The following KAZN variants were observed in gnomAD, a reference collection of about 807,000 sequenced individuals.
KAZN encodes the protein kazrin.
In KAZN, 40 loss-of-function variants were observed where a neutral mutation model predicts 87.4. The ratio of observed to expected loss-of-function variants is 0.46; its 90% CI spans 0.36 to 0.60. The LOEUF is 0.60. Among genes scored for constraint, KAZN ranks in the 20% least tolerant of loss-of-function variants. KAZN has a pLI of 0.00. For synonymous variants in KAZN, 466 were observed against 458.3 expected, an observed-to-expected ratio of 1.02 and a Z score of -0.22; for missense variants, 898 against 1,073.9, an observed-to-expected ratio of 0.84 and a Z score of 2.29.
chr1:15,051,449 G>T (rs146496649), intron 4 of KAZN, among the ~76,000 whole-genome samples: 143 of 152,342 alleles, frequency 9.4e-4, no homozygotes, highest in African/African-American at 3.4e-3. Flanking sequence ...CACTATGGCT[G>T]CTCTGAGACA....
intron 1 of KAZN, among the ~76,000 whole-genome samples, chr1:14,044,054 A>G (rs1319676885): frequency 2.0e-5 from 3 of 152,118 alleles, no homozygotes; most frequent in Admixed American, 6.6e-5. Flanking sequence ...TTACTGGGAT[A>G]AACACTCAAA....
chr1:14,641,221 A>C (rs1680384210), intron 1 of KAZN, among the ~76,000 whole-genome samples: 1 of 152,194 alleles, frequency 6.6e-6, no homozygotes, highest in Non-Finnish European at 1.5e-5. Flanking sequence ...CAGGATCAGG[A>C]GGAATATTTT....
rs528021031 is a variant in KAZN at position 14,491,271 on chromosome 1, C to T, written c.250-107712C>T. Among the ~76,000 whole-genome samples the T allele has an allele frequency of 2.0e-5, 3 of 152,224 alleles. No individual in the cohort carries two copies. The South Asian group carries it at 6.2e-4, about 32-fold the overall frequency. The stretch of plus-strand genomic sequence containing the variant: ...AGTTAATCCACCTACTTTATTAAAC[C>T]TCATGAACTCTAAGAGATTTACAAG... On this transcript the variant is annotated intron_variant, in intron 2 of 16. Transcript: ENST00000636203.
At chr1:14,568,450 TC>T (rs1192530993) in intron 2 of KAZN, among the ~76,000 whole-genome samples, 3 of 152,166 alleles carry the variant, frequency 2.0e-5, no homozygotes, top group African/African-American at 7.2e-5. Context: ...CGGAGAGGCT[TC>T]ACAATCATGG....
intron 1 of KAZN, among the ~76,000 whole-genome samples, chr1:14,714,228 C>T (rs1316126702): frequency 6.6e-6 from 1 of 152,162 alleles, no homozygotes; most frequent in African/African-American, 2.4e-5. Context: ...GGCTGACACT[C>T]CCCTCTGCCT....
chr1:14,453,221 C>T (rs1349757801), intron 2 of KAZN, among the ~76,000 whole-genome samples: 3 of 152,114 alleles, frequency 2.0e-5, no homozygotes, highest in Non-Finnish European at 4.4e-5. Context: ...TCCCAAAGTG[C>T]TGGGATTACA....
intron 1 of KAZN, among the ~76,000 whole-genome samples, chr1:14,713,394 A>G (rs1174991585): frequency 6.6e-6 from 1 of 152,190 alleles, no homozygotes; most frequent in Non-Finnish European, 1.5e-5. Flanking sequence ...TTAACAGCAC[A>G]ATCATTTCAG....
chr1:14,733,754 C>T (rs1214754790), intron 1 of KAZN, among the ~76,000 whole-genome samples: 3 of 152,180 alleles, frequency 2.0e-5, no homozygotes, highest in Non-Finnish European at 4.4e-5. Context: ...CTTAACCTTG[C>T]TAAGGCACAG....
At chr1:13,904,773 C>T (rs1283593561) in intron 1 of KAZN, among the ~76,000 whole-genome samples, 1 of 152,128 alleles carries the variant, frequency 6.6e-6, no homozygotes, top group African/African-American at 2.4e-5. Flanking sequence ...GGGGTTTGTG[C>T]TTCTCAGATC....
intron 2 of KAZN, among the ~76,000 whole-genome samples, chr1:15,026,047 C>A (rs1671128142): frequency 6.6e-6 from 1 of 152,210 alleles, no homozygotes; most frequent in African/African-American, 2.4e-5. Flanking sequence ...AAACTGCTGT[C>A]CGCCCATCCC....
intron 1 of KAZN, among the ~76,000 whole-genome samples, chr1:14,922,287 A>G (rs1466713355): frequency 6.6e-6 from 1 of 152,108 alleles, no homozygotes; most frequent in African/African-American, 2.4e-5. Context: ...CCTGGACCAG[A>G]TTCTCCAGGA....
chr1:14,599,236 C>G lies in KAZN; in HGVS notation c.226+13C>G, dbSNP rs1211698458. 6.6e-6 allele frequency: 9 copies of G among 1,363,966 alleles called. No homozygotes were observed. The highest frequency in any genetic ancestry group is 7.4e-5 in the Admixed American group (2 of 26,874). 84.5% of individuals were successfully genotyped at this position (1,363,966 alleles called of 1,614,324 possible). A position where few individuals can be genotyped will look rare whatever the true frequency, so the allele number is the denominator to read the frequency against. On this transcript the variant is annotated intron_variant, in intron 1 of 14. Coordinates refer to ENST00000376030, the MANE Select transcript of KAZN (RefSeq NM_201628.3). The surrounding 1 kb of genome is among the most constrained non-coding windows in gnomAD (Gnocchi z 4.4). ...CTTGGAGCGCAAGGTAGGATCGCCC[C>G]GGCGCCCAGGGCGGAGGAAGGCGAG...
At chr1:14,019,968 A>G (rs1238716539) in intron 1 of KAZN, among the ~76,000 whole-genome samples, 1 of 152,102 alleles carries the variant, frequency 6.6e-6, no homozygotes, top group Non-Finnish European at 1.5e-5. Flanking sequence ...ATAATCATAC[A>G]ACTCATCATA....
chr1:14,409,022 G>C, intron 2 of KAZN, among the ~76,000 whole-genome samples: 1 of 152,142 alleles, frequency 6.6e-6, no homozygotes, highest in East Asian at 1.9e-4. Flanking sequence ...CAGGCAGAGG[G>C]AATTTTTTCA....
At chr1:15,061,353 T>C (rs1392674359) in intron 6 of KAZN, 3 of 152,196 alleles carry the variant, frequency 2.0e-5, no homozygotes, top group East Asian at 3.8e-4. Context: ...AAAGTGCTTA[T>C]AAAAATAGCT....
chr1:14,118,876 C>T (rs964752522), intron 1 of KAZN, among the ~76,000 whole-genome samples: 8 of 152,152 alleles, frequency 5.3e-5, no homozygotes, highest in African/African-American at 1.9e-4. Context: ...TGTAATTTGA[C>T]TCAAAACTGC....
intron 1 of KAZN, among the ~76,000 whole-genome samples, chr1:13,993,088 C>T (rs1280206598): frequency 6.6e-6 from 1 of 152,052 alleles, no homozygotes; most frequent in Non-Finnish European, 1.5e-5. Context: ...TAGCTAAGGC[C>T]ATGTGAATAG....
intron 2 of KAZN, among the ~76,000 whole-genome samples, chr1:14,496,739 G>T (rs1669963101): frequency 2.0e-5 from 3 of 151,830 alleles, no homozygotes. Flanking sequence ...CATCTTTTCT[G>T]AGTTGAGACA....
At chr1:15,002,683 A>AAC (rs1327060246) in intron 2 of KAZN, among the ~76,000 whole-genome samples, 3 of 152,130 alleles carry the variant, frequency 2.0e-5, no homozygotes, top group African/African-American at 7.2e-5. Context: ...TCACCAAAAA[A>AAC]ACACACACAC....
Sources: allele counts gnomAD v4.1 joint callset (sites outside exome capture counted in the v4.1 genomes callset), GRCh38; gene constraint gnomAD v4.1.1; non-coding constraint Gnocchi (gnomAD v3.1); transcripts MANE v1.5; gene names NCBI Gene and HGNC (gene_info 2026-07-23, HGNC 2026-07-21).